Variants in RAP1GAP observed in about 807,000 individuals in gnomAD.
The protein encoded by RAP1GAP is rap1 GTPase-activating protein 1.
In RAP1GAP, 35 loss-of-function variants were observed where a neutral mutation model predicts 87.2. The ratio of observed to expected loss-of-function variants is 0.40; its 90% CI spans 0.31 to 0.53. RAP1GAP has a LOEUF of 0.53. Ranked by LOEUF, RAP1GAP falls within the 20% of genes least tolerant of loss-of-function variation. The probability of loss-of-function intolerance (pLI) is 0.48; values close to 1 mark genes in which losing one functional copy is unlikely to be tolerated. For missense variants in RAP1GAP, 734 were observed against 898.9 expected (o/e 0.82, Z 2.35); for synonymous variants, 375 against 363.9 (o/e 1.03, Z -0.35).
intron 17 of RAP1GAP, among the ~76,000 whole-genome samples, chr1:21,607,867 A>G (rs1570573379): frequency 6.8e-6 from 1 of 146,794 alleles, no homozygotes; most frequent in African/African-American, 2.5e-5. Context: ...CCACACCCCC[A>G]CGCCATGTCC....
At chr1:21,608,123 C>T (rs1238408251) in intron 17 of RAP1GAP, 90 bp downstream of exon 17, 2 of 1,535,914 alleles carry the variant, frequency 1.3e-6, no homozygotes, top group Non-Finnish European at 8.8e-7. Context: ...TCCACCCCCA[C>T]GCCGTGTCCA....
At chr1:21,626,640 C>T (rs1289329757) in intron 2 of RAP1GAP, among the ~76,000 whole-genome samples, 1 of 152,158 alleles carries the variant, frequency 6.6e-6, no homozygotes, top group African/African-American at 2.4e-5. Context: ...ATTAGGCCTC[C>T]AGCCAAGCAG....
At chr1:21,649,019 G>T (rs1003398049) in intron 2 of RAP1GAP, among the ~76,000 whole-genome samples, 4 of 152,142 alleles carry the variant, frequency 2.6e-5, no homozygotes, top group African/African-American at 9.7e-5. Context: ...GCCGTCGGGG[G>T]GCTCTCCTGC....
chr1:21,661,214 T>C (rs2097142585), intron 1 of RAP1GAP, among the ~76,000 whole-genome samples: 1 of 148,694 alleles, frequency 6.7e-6, no homozygotes, highest in African/African-American at 2.5e-5. Context: ...ATCGCACCAC[T>C]GCACTCCAGT....
chr1:21,636,689 C>T (rs2094720672), intron 2 of RAP1GAP, among the ~76,000 whole-genome samples: 1 of 151,944 alleles, frequency 6.6e-6, no homozygotes. Context: ...CGCCTGTAAT[C>T]CCAGCTACCC....
In RAP1GAP at chr1:21,598,050, G is replaced by A. The variant is rs1210317343; in HGVS notation, c.1894C>T (p.Pro632Ser). 2 of 1,570,516 alleles carry A rather than the reference G, an allele frequency of 1.3e-6. No homozygotes were observed. Among genetic ancestry groups the A allele is most frequent in the Non-Finnish European group, 1.7e-6 (2 of 1,157,650 alleles). Residue 632 changes from proline (P) to serine (S), a missense_variant, in exon 23 of 25, where the codon CCC (proline) becomes TCC (serine). By Grantham distance (74) the Pro-to-Ser change is moderately conservative. This residue lies in a region of RAP1GAP where 249 missense variants were observed against 252.7 expected (regional missense o/e 0.99). Transcript: ENST00000374765. ...GGSSPGPSRS[P>S]HPDAGKLGDP... is the part of the protein sequence containing the mutation. Reference sequence around the variant, plus strand: ...CCCAACTTGCCGGCGTCTGGGTGGGGTGATCGAGAGGGGCCTGGGGAGGGG... The same window carrying A: ...CCCAACTTGCCGGCGTCTGGGTGGGATGATCGAGAGGGGCCTGGGGAGGGG...
rs1491515987 is a variant in RAP1GAP, at chr1:21,660,348, T to TA, written c.-149+8905_-149+8906insT. On this transcript the variant is annotated intron_variant, in intron 1 of 24. Transcript: ENST00000374765. ...GTGGGTTCCAACTCAGCTATATATA[T>TA]TTATTGAGACAGTCTCGCTCTGTCA... is the stretch of plus-strand genomic sequence containing the variant. 1.6e-3 allele frequency among the ~76,000 whole-genome samples: 121 copies of TA among 77,958 alleles called. 7 individuals are homozygous for TA. The highest frequency in any genetic ancestry group is 2.3e-3 in the East Asian group (3 of 1,320). 51.1% of individuals were successfully genotyped at this position (77,958 alleles called of 152,430 possible).
rs13375744 is a variant in RAP1GAP at position 21,619,309 on chromosome 1, G to A, written c.19-237C>T. Among the ~76,000 whole-genome samples, 640 of 152,160 alleles carry A rather than the reference G, an allele frequency of 4.2e-3. 6 individuals are homozygous for A. Among genetic ancestry groups the A allele is most frequent in the African/African-American group, 0.014 (576 of 41,510 alleles). ...GGAGGGCTGGGGACTCTGCGGGAAC[G>A]CACGTGCCGCTGGGAGTGGGGGCAG... On this transcript the variant is annotated intron_variant, in intron 4 of 24. Coordinates refer to ENST00000374765, the MANE Select transcript of RAP1GAP (RefSeq NM_002885.4).
At chr1:21,607,727 C>T (rs922018476) in intron 17 of RAP1GAP, among the ~76,000 whole-genome samples, 1 of 152,146 alleles carries the variant, frequency 6.6e-6, no homozygotes, top group Non-Finnish European at 1.5e-5. Flanking sequence ...CTCCCCAAGC[C>T]AGGGCCCCAC....
chr1:21,609,689 C>G lies in RAP1GAP; in HGVS notation c.1000-43G>C, dbSNP rs2077021624. ...TGTCTGTTCCTGTGGAGCCTGGGGT[C>G]TGCTCTGCCCCACCCAGCCAGAAAC... is the stretch of plus-strand genomic sequence containing the variant. On this transcript the variant is annotated intron_variant, in intron 14 of 24. Transcript: ENST00000374765. The surrounding 1 kb of genome is among the most constrained non-coding windows in gnomAD (Gnocchi z 4.4). The G allele has an allele frequency of 7.0e-7, 1 of 1,433,024 alleles. No individual in the cohort carries two copies. The highest frequency in any genetic ancestry group is 1.4e-5 in the African/African-American group (1 of 69,450). The allele number at this position is 1,433,024 out of a possible 1,614,324, so 88.8% of individuals were successfully genotyped here.
At chr1:21,637,438 G>A (rs1480628205) in intron 2 of RAP1GAP, among the ~76,000 whole-genome samples, 1 of 151,960 alleles carries the variant, frequency 6.6e-6, no homozygotes, top group Non-Finnish European at 1.5e-5. Context: ...ACAGGAGTGA[G>A]CCACTGCATC....
At position 21,609,704 on chromosome 1, in the gene RAP1GAP, C is replaced by T; in HGVS notation, c.1000-58G>A. 7.5e-7 allele frequency: 1 copy of T among 1,326,180 alleles called. No homozygotes were observed. The highest frequency in any genetic ancestry group is 1.0e-6 in the Non-Finnish European group (1 of 979,312). 82.2% of individuals were successfully genotyped at this position (1,326,180 alleles called of 1,614,324 possible). A position where few individuals can be genotyped will look rare whatever the true frequency, so the allele number is the denominator to read the frequency against. ...AGCCTGGGGTCTGCTCTGCCCCACC[C>T]AGCCAGAAACCCCTACTGTGCCTCC... On this transcript the variant is annotated intron_variant, in intron 14 of 24. Transcript: ENST00000374765. The surrounding 1 kb of genome is among the most constrained non-coding windows in gnomAD (Gnocchi z 4.4).
At chr1:21,651,424 GCA>G (rs1291588726) in intron 1 of RAP1GAP, 5 of 565,014 alleles carry the variant, frequency 8.8e-6, no homozygotes, top group East Asian at 4.6e-5. Flanking sequence ...ACACACGCAT[GCA>G]CACACACGCG....
intron 1 of RAP1GAP, among the ~76,000 whole-genome samples, chr1:21,656,868 G>A (rs1015207144): frequency 1.3e-5 from 2 of 152,232 alleles, no homozygotes; most frequent in African/African-American, 2.4e-5. Context: ...TGGCTTGAAA[G>A]GCCCTGGAAG....
intron 17 of RAP1GAP, among the ~76,000 whole-genome samples, chr1:21,606,974 T>C (rs74060017): frequency 0.022 from 3,366 of 152,330 alleles, 53 homozygotes; most frequent in African/African-American, 0.035. Flanking sequence ...ACCTGTCCTG[T>C]CTCCAGTCCC....
intron 2 of RAP1GAP, among the ~76,000 whole-genome samples, chr1:21,639,416 T>A (rs2095289816): frequency 6.6e-6 from 1 of 152,220 alleles, no homozygotes; most frequent in Admixed American, 6.5e-5. Context: ...TGAGTCTGGA[T>A]GGGCCAGAGA....
At chr1:21,600,863 A>T (rs148785605) in intron 20 of RAP1GAP, among the ~76,000 whole-genome samples, 4,722 of 117,902 alleles carry the variant, frequency 0.04, 133 homozygotes, top group Non-Finnish European at 0.059. Context: ...CCAGCCTGGG[A>T]GACAGAGCAA....
chr1:21,599,854 C>G (rs1416889362), intron 20 of RAP1GAP, among the ~76,000 whole-genome samples: 1 of 152,214 alleles, frequency 6.6e-6, no homozygotes, highest in African/African-American at 2.4e-5. Context: ...TGCTCAAAAC[C>G]CTCTCCTGGC....
intron 1 of RAP1GAP, among the ~76,000 whole-genome samples, chr1:21,656,555 C>A (rs932610222): frequency 3.9e-5 from 6 of 152,166 alleles, no homozygotes; most frequent in African/African-American, 1.2e-4. Context: ...CCAAGCCACA[C>A]CAACCCAATC....
Sources: allele counts gnomAD v4.1 joint callset (sites outside exome capture counted in the v4.1 genomes callset), GRCh38; gene constraint gnomAD v4.1.1; regional missense constraint gnomAD v4.1.1; non-coding constraint Gnocchi (gnomAD v3.1); transcripts MANE v1.5; gene names NCBI Gene and HGNC (gene_info 2026-07-23, HGNC 2026-07-21).